The following MIPOL1 variants were observed in gnomAD, a reference collection of about 807,000 sequenced individuals.
MIPOL1 encodes mirror-image polydactyly gene 1 protein.
A neutral mutation model predicts 60.9 loss-of-function variants in MIPOL1; 57 were observed. The ratio of observed to expected loss-of-function variants is 0.94; its 90% CI spans 0.76 to 1.17. The LOEUF (loss-of-function observed/expected upper bound fraction) is 1.17, where lower values mean the gene tolerates loss of function less well. Among genes scored for constraint, MIPOL1 ranks in the 50% most tolerant of loss-of-function variants. The pLI is 0.00. For synonymous variants in MIPOL1, 179 were observed against 168.8 expected (o/e 1.06, Z -0.47); for missense variants, 551 against 511.6 (o/e 1.08, Z -0.74).
chr14:37,483,425 C>T (rs1327242159), intron 11 of MIPOL1, among the ~76,000 whole-genome samples: 1 of 151,924 alleles, frequency 6.6e-6, no homozygotes, highest in East Asian at 1.9e-4. Context: ...AACAACAATC[C>T]TTCTTTCCTT....
At position 37,550,305 on chromosome 14, in the gene MIPOL1, A is replaced by G. The variant is rs1337841917; in HGVS notation, c.*3334A>G. The G allele has an allele frequency of 6.6e-6, 1 of 151,310 alleles. No homozygotes were observed. Among genetic ancestry groups the G allele is most frequent in the Admixed American group, 6.6e-5 (1 of 15,182 alleles). The allele number at this position is 151,310 out of a possible 1,614,324, so 9.4% of individuals were successfully genotyped here. A position where few individuals can be genotyped will look rare whatever the true frequency, so the allele number is the denominator to read the frequency against. On this transcript the variant is annotated 3_prime_UTR_variant, in exon 13 of 13. Transcript: ENST00000684589. ...AACATTTTATATGTACTATTCTTAA[A>G]GATCACAATTATTTTTAAACTTTCT... is the stretch of plus-strand genomic sequence containing the variant.
At chr14:37,544,672 CA>C (rs2095541220) in intron 12 of MIPOL1, among the ~76,000 whole-genome samples, 1 of 152,196 alleles carries the variant, frequency 6.6e-6, no homozygotes, top group Admixed American at 6.5e-5. Flanking sequence ...ATAGGTGCTT[CA>C]TTGTGTTACA....
At chr14:37,425,003 A>C (rs2093936958) in intron 11 of MIPOL1, among the ~76,000 whole-genome samples, 1 of 152,172 alleles carries the variant, frequency 6.6e-6, no homozygotes, top group Non-Finnish European at 1.5e-5. Context: ...AGCTGCATTA[A>C]ATTAGGATCT....
intron 10 of MIPOL1, among the ~76,000 whole-genome samples, chr14:37,388,732 A>G (rs762816941): frequency 3.3e-5 from 5 of 152,090 alleles, no homozygotes; most frequent in African/African-American, 4.8e-5. Flanking sequence ...CTATGCAAGT[A>G]GAGTCATATA....
intron 11 of MIPOL1, among the ~76,000 whole-genome samples, chr14:37,495,364 A>G (rs2095108857): frequency 6.9e-6 from 1 of 145,540 alleles, no homozygotes; most frequent in Non-Finnish European, 1.5e-5. Flanking sequence ...CCCACCTATG[A>G]GTGAGACTAT....
chr14:37,205,904 T>C (rs562583472), intron 1 of MIPOL1, among the ~76,000 whole-genome samples: 1 of 152,264 alleles, frequency 6.6e-6, no homozygotes, highest in South Asian at 2.1e-4. Flanking sequence ...GTCTTTGCTG[T>C]TGTGAATAGT....
intron 11 of MIPOL1, among the ~76,000 whole-genome samples, chr14:37,427,724 TC>T (rs1394061657): frequency 6.6e-6 from 1 of 152,150 alleles, no homozygotes. Context: ...AGCTTAAGTT[TC>T]CTGCAAGCTC....
chr14:37,204,570 A>G (rs189805187), intron 1 of MIPOL1, among the ~76,000 whole-genome samples: 53 of 152,142 alleles, frequency 3.5e-4, no homozygotes, highest in African/African-American at 1.3e-3. Context: ...CTTGGCTTTC[A>G]TTCTTTTTTG....
chr14:37,324,478 G>A (rs1232014791), intron 9 of MIPOL1, among the ~76,000 whole-genome samples: 1 of 151,986 alleles, frequency 6.6e-6, no homozygotes, highest in Non-Finnish European at 1.5e-5. Flanking sequence ...GAAGTCCGTT[G>A]TCAGATACGT....
intron 9 of MIPOL1, among the ~76,000 whole-genome samples, chr14:37,335,121 C>G (rs2090006558): frequency 6.6e-6 from 1 of 152,066 alleles, no homozygotes; most frequent in Non-Finnish European, 1.5e-5. Flanking sequence ...TACATTTCCA[C>G]CAACAATTTA....
At chr14:37,239,357 T>C (rs1972007406) in intron 1 of MIPOL1, among the ~76,000 whole-genome samples, 1 of 152,196 alleles carries the variant, frequency 6.6e-6, no homozygotes, top group African/African-American at 2.4e-5. Context: ...CTTAATTTAC[T>C]TAATACTTGG....
intron 12 of MIPOL1, among the ~76,000 whole-genome samples, chr14:37,543,857 CAA>C (rs1415768649): frequency 6.6e-6 from 1 of 152,088 alleles, no homozygotes; most frequent in Non-Finnish European, 1.5e-5. Context: ...TGTTTCATCA[CAA>C]AGTTTTCACA....
In MIPOL1 at chr14:37,398,143, C is replaced by T. The variant is rs182102795; in HGVS notation, c.937-24712C>T. Among the ~76,000 whole-genome samples, 325 of 152,266 alleles carry T rather than the reference C, an allele frequency of 2.1e-3. 1 individual carries two copies. The highest frequency in any genetic ancestry group is 7.3e-3 in the African/African-American group (303 of 41,566). On this transcript the variant is annotated intron_variant, in intron 10 of 12. Transcript: ENST00000684589. ...GGGGACCCAGCAGGCTCCCAGGGCC[C>T]TTCTGCTGCTTCCTCTACCCCTGTA...
intron 11 of MIPOL1, among the ~76,000 whole-genome samples, chr14:37,428,659 A>ATTT (rs2094008216): frequency 7.0e-6 from 1 of 142,848 alleles, no homozygotes; most frequent in Non-Finnish European, 1.5e-5. Context: ...TTTTCCAAAA[A>ATTT]TCTTTTTTTT....
At chr14:37,447,049 A>G (rs566088676) in intron 11 of MIPOL1, among the ~76,000 whole-genome samples, 11 of 152,092 alleles carry the variant, frequency 7.2e-5, no homozygotes, top group Non-Finnish European at 1.5e-4. Flanking sequence ...CATTGTGCAC[A>G]TGTACCCTAA....
chr14:37,239,945 C>T (rs1223992632), intron 1 of MIPOL1, among the ~76,000 whole-genome samples: 5 of 152,196 alleles, frequency 3.3e-5, no homozygotes, highest in Admixed American at 2.0e-4. Context: ...AAATGAAGTA[C>T]GTAGGTTGCA....
intron 11 of MIPOL1, among the ~76,000 whole-genome samples, chr14:37,479,857 G>A (rs923501561): frequency 5.9e-5 from 9 of 151,958 alleles, no homozygotes; most frequent in Admixed American, 2.0e-4. Context: ...AGAGGAGACC[G>A]TACAACTGCT....
intron 9 of MIPOL1, among the ~76,000 whole-genome samples, chr14:37,309,252 A>C (rs577092394): frequency 6.6e-6 from 1 of 151,946 alleles, no homozygotes; most frequent in Non-Finnish European, 1.5e-5. Context: ...TACAGGCATG[A>C]GCCACCACAC....
intron 10 of MIPOL1, among the ~76,000 whole-genome samples, chr14:37,373,402 T>C (rs1474965204): frequency 6.6e-6 from 1 of 152,164 alleles, no homozygotes; most frequent in African/African-American, 2.4e-5. Context: ...TCTATCCTTT[T>C]TTTTTTTAAA....
Sources: allele counts gnomAD v4.1 joint callset (sites outside exome capture counted in the v4.1 genomes callset), GRCh38; gene constraint gnomAD v4.1.1; transcripts MANE v1.5; gene names NCBI Gene and HGNC (gene_info 2026-07-23, HGNC 2026-07-21).